The following PDSS2 variants were observed in gnomAD, a reference collection of about 807,000 sequenced individuals.
PDSS2 encodes the protein all trans-polyprenyl-diphosphate synthase PDSS2.
PDSS2 carries 31 observed loss-of-function variants against 44.5 expected under a neutral mutation model. The observed-to-expected ratio is 0.70, with a 90% confidence interval of 0.52 to 0.94. The LOEUF is 0.94. Among genes scored for constraint, PDSS2 ranks in the 40% least tolerant of loss-of-function variants. PDSS2 has a pLI of 0.00. For synonymous variants in PDSS2, 157 were observed against 180.3 expected (o/e 0.87, Z 1.03); for missense variants, 452 against 482.2 (o/e 0.94, Z 0.59).
chr6:107,335,117 C>T (rs1309063268), intron 1 of PDSS2, among the ~76,000 whole-genome samples: 3 of 147,160 alleles, frequency 2.0e-5, no homozygotes, highest in Non-Finnish European at 4.5e-5. Flanking sequence ...GCCATGATGG[C>T]GCCACTGCAC....
At chr6:107,159,698 G>A (rs1414383396) in intron 7 of PDSS2, among the ~76,000 whole-genome samples, 13 of 152,014 alleles carry the variant, frequency 8.6e-5, no homozygotes, top group Non-Finnish European at 1.3e-4. Flanking sequence ...GATTACAGGC[G>A]TGAGCCACTG....
At chr6:107,227,842 A>G (rs949905064) in intron 4 of PDSS2, among the ~76,000 whole-genome samples, 3 of 152,212 alleles carry the variant, frequency 2.0e-5, no homozygotes, top group Admixed American at 1.3e-4. Flanking sequence ...AGATGTCCTG[A>G]GTCTGAGATG....
chr6:107,359,392 G>T (rs1176410715), intron 1 of PDSS2, among the ~76,000 whole-genome samples: 1 of 151,802 alleles, frequency 6.6e-6, no homozygotes, highest in East Asian at 2.0e-4. Context: ...GGAAGCTGAG[G>T]CGGGTGGATC....
chr6:107,185,485 G>T (rs1772136100), intron 7 of PDSS2, among the ~76,000 whole-genome samples: 2 of 152,104 alleles, frequency 1.3e-5, no homozygotes, highest in South Asian at 4.1e-4. Flanking sequence ...GTAGAAAGTC[G>T]AACCATAGGT....
Position 107,251,903 on chromosome 6 carries a change from G to A in PDSS2, c.631-6284C>T, listed in dbSNP as rs1429182928. Among the ~76,000 whole-genome samples the A allele has an allele frequency of 2.0e-5, 3 of 152,264 alleles. 1 individual carries two copies. In the South Asian group the frequency reaches 6.2e-4, roughly 32 times the overall value. On this transcript the variant is annotated intron_variant, in intron 3 of 7. Coordinates refer to ENST00000369037, the MANE Select transcript of PDSS2 (RefSeq NM_020381.4). ...GAAAGATTTATATTGCCAAGATAAG[G>A]TATAGAGGGACTAAAGAGTGGCACC...
chr6:107,334,326 A>G lies in PDSS2; in HGVS notation c.303T>C (p.Leu101=), dbSNP rs1349601574. 2 of 1,613,716 alleles carry G rather than the reference A, an allele frequency of 1.2e-6. No individual in the cohort carries two copies. Among genetic ancestry groups the G allele is most frequent in the Non-Finnish European group, 1.7e-6 (2 of 1,179,776 alleles). The change falls in exon 2 of 8, where the codon CTT becomes CTC. Residue 101 remains leucine, a synonymous_variant. Transcript: ENST00000369037. ...QHPLLTTARG[L]VHDSWNSLQL... ...GGAGGCTATTCCAGCTGTCATGTAC[A>G]AGCCCCCTGCCAACAAGCAAAGAAG...
rs1770775458 is a variant in PDSS2 at position 107,153,402 on chromosome 6, T to G, written c.*1217A>C. ...TATATTCTTTCTGTAATTGGATGTC[T>G]GTGGTTCAAGACCAAAATTTGACAT... On this transcript the variant is annotated 3_prime_UTR_variant, in exon 8 of 8. Transcript: ENST00000369037. 6.6e-6 allele frequency: 1 copy of G among 152,664 alleles called. No individual in the cohort carries two copies. Among genetic ancestry groups the G allele is most frequent in the Non-Finnish European group, 1.5e-5 (1 of 68,046 alleles). 9.5% of individuals were successfully genotyped at this position (152,664 alleles called of 1,614,324 possible).
At chr6:107,313,866 T>G (rs961031414) in intron 2 of PDSS2, among the ~76,000 whole-genome samples, 3 of 152,092 alleles carry the variant, frequency 2.0e-5, no homozygotes, top group Non-Finnish European at 2.9e-5. Flanking sequence ...AAGAAAACCA[T>G]GAGGTCAGGT....
chr6:107,210,712 G>T, intron 5 of PDSS2, 142 bp from the exon 6 acceptor site: 1 of 637,530 alleles, frequency 1.6e-6, no homozygotes, highest in Non-Finnish European at 2.8e-6. Context: ...ATAAACAAAA[G>T]AATATTTCAG....
At chr6:107,267,865 T>A (rs1775462631) in intron 3 of PDSS2, among the ~76,000 whole-genome samples, 1 of 152,016 alleles carries the variant, frequency 6.6e-6, no homozygotes, top group Admixed American at 6.6e-5. Context: ...AGTACTGGGA[T>A]GATAGGCATG....
intron 2 of PDSS2, among the ~76,000 whole-genome samples, chr6:107,287,958 G>A (rs1366402946): frequency 6.6e-6 from 1 of 152,098 alleles, no homozygotes; most frequent in Non-Finnish European, 1.5e-5. Context: ...TTGCACTACT[G>A]CATTCCAGCC....
intron 3 of PDSS2, among the ~76,000 whole-genome samples, chr6:107,253,231 G>A (rs1774885299): frequency 6.6e-6 from 1 of 151,788 alleles, no homozygotes; most frequent in Admixed American, 6.6e-5. Context: ...TAGAGACGGG[G>A]TTTCACCACA....
chr6:107,343,319 GCA>G (rs1778138257), intron 1 of PDSS2, among the ~76,000 whole-genome samples: 1 of 151,878 alleles, frequency 6.6e-6, no homozygotes, highest in South Asian at 2.1e-4. Flanking sequence ...ACTATAATGT[GCA>G]CAGTTTCTGC....
chr6:107,413,319 G>GA (rs1464106253), intron 1 of PDSS2, among the ~76,000 whole-genome samples: 1 of 152,174 alleles, frequency 6.6e-6, no homozygotes, highest in African/African-American at 2.4e-5. Flanking sequence ...AAGGTGAGAG[G>GA]ATTGTTGAGG....
chr6:107,387,456 T>C (rs1026748101), intron 1 of PDSS2, among the ~76,000 whole-genome samples: 1 of 152,158 alleles, frequency 6.6e-6, no homozygotes, highest in Admixed American at 6.5e-5. Flanking sequence ...ATTATTTTTG[T>C]AGGAATAAGG....
chr6:107,165,608 A>G (rs1171043390), intron 7 of PDSS2, among the ~76,000 whole-genome samples: 1 of 152,144 alleles, frequency 6.6e-6, no homozygotes, highest in African/African-American at 2.4e-5. Flanking sequence ...TGATGCCTCC[A>G]GCTTTGTTCT....
intron 1 of PDSS2, among the ~76,000 whole-genome samples, chr6:107,397,039 T>C (rs1489314460): frequency 1.3e-5 from 2 of 152,064 alleles, no homozygotes; most frequent in African/African-American, 2.4e-5. Flanking sequence ...TAGGATGAGA[T>C]TGGAATGAAG....
chr6:107,442,309 C>T (rs531020942), intron 1 of PDSS2, among the ~76,000 whole-genome samples: 69 of 152,106 alleles, frequency 4.5e-4, no homozygotes, highest in African/African-American at 1.6e-3. Context: ...CCCAGCTACT[C>T]GGGAGGCTGA....
chr6:107,238,951 A>T (rs950496542), intron 4 of PDSS2, among the ~76,000 whole-genome samples: 9 of 152,132 alleles, frequency 5.9e-5, no homozygotes, highest in African/African-American at 2.2e-4. Flanking sequence ...ATACAGTAAG[A>T]TGTTATCACA....
Sources: allele counts gnomAD v4.1 joint callset (sites outside exome capture counted in the v4.1 genomes callset), GRCh38; gene constraint gnomAD v4.1.1; transcripts MANE v1.5; gene names NCBI Gene and HGNC (gene_info 2026-07-23, HGNC 2026-07-21).